The following MACF1 variants were observed in gnomAD, a reference collection of about 807,000 sequenced individuals.
MACF1 encodes microtubule actin crosslinking factor 1, also known as microtubule-actin cross-linking factor 1.
Under a neutral mutation model 854.8 loss-of-function variants are expected in MACF1, and 193 were observed. The ratio of observed to expected loss-of-function variants is 0.23; its 90% confidence interval spans 0.20 to 0.25. MACF1 has a LOEUF of 0.25. Ranked by LOEUF, MACF1 falls within the 10% of genes least tolerant of loss-of-function variation. The pLI is 1.00. For synonymous variants in MACF1, 3,185 were observed against 3,226.7 expected (o/e 0.99, Z 0.44); for missense variants, 7,722 against 8,929.1 (o/e 0.86, Z 5.45).
At chr1:39,262,666 TCTTTTTC>T (rs1325159212) in intron 6 of MACF1, among the ~76,000 whole-genome samples, 13 of 152,184 alleles carry the variant, frequency 8.5e-5, no homozygotes, top group Admixed American at 1.3e-4. Context: ...AGCCCACTGT[TCTTTTTC>T]CTGTTACCAA....
intron 2 of MACF1, among the ~76,000 whole-genome samples, chr1:39,125,678 A>C (rs951841377): frequency 6.6e-5 from 10 of 152,314 alleles, no homozygotes; most frequent in African/African-American, 2.4e-4. Flanking sequence ...TTTTTAAATA[A>C]TCCATCTTTT....
chr1:39,477,721 C>T (rs1207413036), intron 97 of MACF1, among the ~76,000 whole-genome samples: 1 of 151,952 alleles, frequency 6.6e-6, no homozygotes, highest in Admixed American at 6.6e-5. Context: ...AAGTGGAAGA[C>T]GTGGGTTCTA....
chr1:39,124,573 C>CT (rs544239027), intron 2 of MACF1, among the ~76,000 whole-genome samples: 1 of 152,132 alleles, frequency 6.6e-6, no homozygotes, highest in South Asian at 2.1e-4. Flanking sequence ...AATAAAGAGG[C>CT]TTTCTCCTCT....
intron 2 of MACF1, among the ~76,000 whole-genome samples, chr1:39,237,397 T>G (rs187467266): frequency 6.6e-6 from 1 of 152,386 alleles, no homozygotes; most frequent in East Asian, 1.9e-4. Context: ...GATTGTATTA[T>G]GCTACTTTCT....
Position 39,318,487 on chromosome 1 carries a change from G to C in MACF1, c.3817G>C (p.Gly1273Arg), listed in dbSNP as rs764642578. The C allele has an allele frequency of 1.2e-5, 19 of 1,613,802 alleles. No individual in the cohort carries two copies. Among genetic ancestry groups the C allele is most frequent in the Non-Finnish European group, 1.5e-5 (18 of 1,179,956 alleles). Residue 1273 changes from glycine to arginine, a missense_variant, in exon 30 of 101, where the codon GGA becomes CGA. Coordinates refer to ENST00000564288, the MANE Select transcript of MACF1 (RefSeq NM_001394062.1). ...GCTAGAAAGTATCCAGGAAGTTCTG[G>C]GAGATTACCGAGCCTGCCATGGAAC... ...SELESIQEVL[G>R]DYRACHGTLI... is the part of the protein sequence containing the mutation.
chr1:39,244,186 C>T (rs1557540427), intron 2 of MACF1, among the ~76,000 whole-genome samples: 2 of 151,912 alleles, frequency 1.3e-5, no homozygotes, highest in African/African-American at 2.4e-5. Context: ...CTCACTGCAA[C>T]GTCTCCCTCC....
At position 39,432,658 on chromosome 1, in the gene MACF1, C is replaced by A. The variant is rs774258728; in HGVS notation, c.17457+4C>A. The A allele has an allele frequency of 6.2e-7, 1 of 1,612,822 alleles. No individual in the cohort carries two copies. The highest frequency in any genetic ancestry group is 1.1e-5 in the South Asian group (1 of 90,848). ...AGCTCAGCTTCAGGTACAGAAGGTA[C>A]GTGCCCACTCTTTCCTGAGCTAATA... On this transcript the variant is annotated splice_donor_region_variant and intron_variant, in intron 67 of 100. Transcript: ENST00000564288.
intron 18 of MACF1, among the ~76,000 whole-genome samples, chr1:39,294,579 A>G (rs1447186872): frequency 6.6e-6 from 1 of 152,246 alleles, no homozygotes; most frequent in East Asian, 1.9e-4. Context: ...CTCTGAAAGC[A>G]TAGTAAGGAT....
chr1:39,343,709 T>C (rs1646984036), intron 40 of MACF1, among the ~76,000 whole-genome samples: 1 of 152,220 alleles, frequency 6.6e-6, no homozygotes, highest in Non-Finnish European at 1.5e-5. Context: ...GGCAAATCCA[T>C]GTGAGTCTGC....
chr1:39,462,389 T>C (rs1644571718), intron 93 of MACF1, among the ~76,000 whole-genome samples: 1 of 152,070 alleles, frequency 6.6e-6, no homozygotes, highest in Non-Finnish European at 1.5e-5. Flanking sequence ...TCTAGGGAAA[T>C]GGTCTACCAG....
intron 41 of MACF1, among the ~76,000 whole-genome samples, chr1:39,347,716 A>G (rs983736869): frequency 1.3e-5 from 2 of 152,172 alleles, no homozygotes; most frequent in African/African-American, 4.8e-5. Flanking sequence ...TTTTATTAGA[A>G]TCGTATTAAT....
At chr1:39,187,528 G>A (rs933262206) in intron 2 of MACF1, among the ~76,000 whole-genome samples, 3 of 152,040 alleles carry the variant, frequency 2.0e-5, no homozygotes, top group African/African-American at 7.2e-5. Flanking sequence ...AGCTGATGTC[G>A]TATTTCATGA....
In MACF1 at chr1:39,160,407, A is replaced by G. The variant is rs77092247; in HGVS notation, c.221-70775A>G. ...CTTCCTCTCTGAGACAAAGAGCTGT[A>G]GTATGGGGCTTTAGAGTGAAGGTAA... is the stretch of plus-strand genomic sequence containing the variant. On this transcript the variant is annotated intron_variant, in intron 2 of 93. Coordinates refer to the MACF1 transcript ENST00000361689. 3.7e-3 allele frequency among the ~76,000 whole-genome samples: 562 copies of G among 152,330 alleles called. 3 individuals are homozygous for G. The Middle Eastern group carries it at 0.044, about 12-fold the overall frequency.
At chr1:39,109,269 TTTTAC>T (rs564221788) in intron 2 of MACF1, among the ~76,000 whole-genome samples, 305 of 152,278 alleles carry the variant, frequency 2.0e-3, no homozygotes, top group African/African-American at 6.8e-3. Flanking sequence ...TTCCATTTTA[TTTTAC>T]TTTACTTTAT....
intron 2 of MACF1, among the ~76,000 whole-genome samples, chr1:39,134,631 A>G (rs1361345770): frequency 6.6e-6 from 1 of 152,186 alleles, no homozygotes; most frequent in Admixed American, 6.5e-5. Flanking sequence ...TTTGTAAAAT[A>G]TTGGTGGTGA....
At chr1:39,246,659 C>T (rs1022928764) in intron 2 of MACF1, among the ~76,000 whole-genome samples, 7 of 151,954 alleles carry the variant, frequency 4.6e-5, no homozygotes, top group Non-Finnish European at 7.4e-5. Context: ...CAGGCGCCCA[C>T]GACCACACCC....
At position 39,295,131 on chromosome 1, in the gene MACF1, C is replaced by T. The variant is rs1428484218; in HGVS notation, c.2240C>T (p.Pro747Leu). The T allele has an allele frequency of 6.2e-7, 1 of 1,613,966 alleles. No homozygotes were observed. ...GAACTACTTTCACTTGAGAACCACC[C>T]AGCCAAGCAGACAGTGGAGGTGTGT... ...TAELLSLENH[P>L]AKQTVEAYSA... is the part of the protein sequence containing the mutation. Residue 747 changes from proline (P) to leucine (L), a missense_variant, in exon 19 of 101, where the codon CCA (proline) becomes CTA (leucine). Around this residue, in one of 15 missense-constraint regions of MACF1, gnomAD observed 1,137 missense variants for 1,263.0 expected, o/e 0.90. Coordinates refer to ENST00000564288, the MANE Select transcript of MACF1 (RefSeq NM_001394062.1).
intron 23 of MACF1, among the ~76,000 whole-genome samples, chr1:39,307,901 C>CTTTCTTTT (rs1222230255): frequency 7.9e-5 from 4 of 50,392 alleles, no homozygotes; most frequent in Admixed American, 3.0e-4. Context: ...TTCTTTCTTT[C>CTTTCTTTT]TTTTTTTTTT....
intron 84 of MACF1, among the ~76,000 whole-genome samples, chr1:39,450,581 C>T (rs1644320933): frequency 1.3e-5 from 2 of 151,444 alleles, no homozygotes; most frequent in South Asian, 4.2e-4. Context: ...AAATGTCTCA[C>T]CATCTCTCAG....
Sources: allele counts gnomAD v4.1 joint callset (sites outside exome capture counted in the v4.1 genomes callset), GRCh38; gene constraint gnomAD v4.1.1; regional missense constraint gnomAD v4.1.1; transcripts MANE v1.5; gene names NCBI Gene and HGNC (gene_info 2026-07-23, HGNC 2026-07-21).